WDR64: variants seen among roughly 807,000 people sequenced by gnomAD.
WDR64 encodes WD repeat-containing protein 64.
Under a neutral mutation model 139.3 loss-of-function variants are expected in WDR64, and 112 were observed. The observed-to-expected ratio is 0.80, with a 90% CI of 0.69 to 0.94. The LOEUF is 0.94. WDR64 is among the 40% of genes least tolerant of loss of function. The pLI, the probability that WDR64 is intolerant of heterozygous loss-of-function variation, is 0.00. For missense variants in WDR64, 1,206 were observed against 1,293.1 expected (o/e 0.93, Z 1.03); for synonymous variants, 444 against 437.7 (o/e 1.01, Z -0.18).
At chr1:241,662,176 G>A (rs1211660349) in intron 2 of WDR64, among the ~76,000 whole-genome samples, 1 of 152,174 alleles carries the variant, frequency 6.6e-6, no homozygotes, top group Non-Finnish European at 1.5e-5. Flanking sequence ...TACTGCTACT[G>A]TACTAAATTA....
intron 23 of WDR64, among the ~76,000 whole-genome samples, chr1:241,787,198 C>T (rs1045664646): frequency 2.3e-5 from 3 of 128,216 alleles, no homozygotes; most frequent in African/African-American, 9.3e-5. Flanking sequence ...ACTAAAAATA[C>T]AAAAAAAAAA....
At chr1:241,771,925 T>C (rs1277376111) in intron 19 of WDR64, among the ~76,000 whole-genome samples, 1 of 53,860 alleles carries the variant, frequency 1.9e-5, no homozygotes, top group Non-Finnish European at 4.1e-5. Context: ...CATATATACA[T>C]ACATATACAT....
intron 9 of WDR64, among the ~76,000 whole-genome samples, chr1:241,722,263 T>C (rs1421070391): frequency 6.6e-6 from 1 of 152,174 alleles, no homozygotes; most frequent in Non-Finnish European, 1.5e-5. Context: ...TTTTAAATCA[T>C]GACAATATTC....
At chr1:241,760,005 G>A (rs955917319) in intron 15 of WDR64, among the ~76,000 whole-genome samples, 5 of 152,128 alleles carry the variant, frequency 3.3e-5, no homozygotes, top group South Asian at 4.1e-4. Context: ...TTCACTTAGC[G>A]TGATGTCCTG....
chr1:241,676,911 G>C (rs899317134), intron 4 of WDR64, among the ~76,000 whole-genome samples: 1 of 151,994 alleles, frequency 6.6e-6, no homozygotes, highest in African/African-American at 2.4e-5. Flanking sequence ...ATTTAATACA[G>C]CAGGAATAAT....
In WDR64 at chr1:241,766,089, T is replaced by C. The variant is rs1360105721; in HGVS notation, c.1948-129T>C. The C allele has an allele frequency of 3.6e-6, 3 of 845,064 alleles. No homozygotes were observed. In the African/African-American group the frequency reaches 5.2e-5, roughly 15 times the overall value. The allele number at this position is 845,064 out of a possible 1,614,324, so 52.3% of individuals were successfully genotyped here. On this transcript the variant is annotated intron_variant, in intron 15 of 27. Coordinates refer to ENST00000437684, the MANE Select transcript of WDR64 (RefSeq NM_001367482.1). ...TAAGATTTTACTAAATTTCATGCTC[T>C]GATATTAAAAATATATATAATAAGG...
chr1:241,673,812 T>G (rs145194385), intron 3 of WDR64, among the ~76,000 whole-genome samples: 1 of 152,310 alleles, frequency 6.6e-6, no homozygotes, highest in Non-Finnish European at 1.5e-5. Context: ...AACATAAAAG[T>G]GTCTAGCTAG....
At position 241,802,545 on chromosome 1, in the gene WDR64, G is replaced by A. The variant is rs1055658713; in HGVS notation, c.*1330G>A. On this transcript the variant is annotated 3_prime_UTR_variant, in exon 28 of 28. Transcript: ENST00000437684. ...GATATTTCTGCATTTCGTTGTATGTGAATTTTTTCAAAAAATTAAGAATTG... is the reference window on the plus strand; with the variant it reads ...GATATTTCTGCATTTCGTTGTATGTAAATTTTTTCAAAAAATTAAGAATTG... 6.6e-6 allele frequency among the ~76,000 whole-genome samples: 1 copy of A among 152,140 alleles called. No homozygotes were observed. The highest frequency in any genetic ancestry group is 2.4e-5 in the African/African-American group (1 of 41,436).
At chr1:241,784,954 A>AAAAAAAAAAAG (rs1658984108) in intron 23 of WDR64, among the ~76,000 whole-genome samples, 1 of 9,386 alleles carries the variant, frequency 1.1e-4, no homozygotes, top group Admixed American at 6.6e-4. Flanking sequence ...ACTCTGTCTG[A>AAAAAAAAAAAG]AAAAAAAAAA....
At chr1:241,780,293 G>A (rs1042383966) in intron 22 of WDR64, among the ~76,000 whole-genome samples, 2 of 152,110 alleles carry the variant, frequency 1.3e-5, no homozygotes, top group Admixed American at 6.5e-5. Flanking sequence ...ACTTTGCATC[G>A]TCTTCATGTT....
chr1:241,662,734 T>C (rs1573986200), intron 2 of WDR64, among the ~76,000 whole-genome samples: 2 of 152,148 alleles, frequency 1.3e-5, no homozygotes, highest in Non-Finnish European at 2.9e-5. Flanking sequence ...AGGTCCACCA[T>C]AGAGACTTAC....
chr1:241,741,324 G>A (rs933752304), intron 11 of WDR64, among the ~76,000 whole-genome samples, 192 bp from the exon 12 acceptor site: 5 of 152,204 alleles, frequency 3.3e-5, no homozygotes, highest in Admixed American at 6.5e-5. Flanking sequence ...TGGCTGAATC[G>A]TATGTGCTTT....
rs565407713 is a variant in WDR64, at chr1:241,777,944, G to A, written c.2537-2060G>A. ...TGTGGCCCAGAACATGATCTATCTT[G>A]GGGAATGTCTACATGATCTTCAGAG... On this transcript the variant is annotated intron_variant, in intron 21 of 27. Transcript: ENST00000437684. 3.3e-5 allele frequency among the ~76,000 whole-genome samples: 5 copies of A among 152,150 alleles called. No homozygotes were observed. The South Asian group carries it at 8.3e-4, about 25-fold the overall frequency.
chr1:241,690,465 T>C (rs1283832307), intron 8 of WDR64, among the ~76,000 whole-genome samples: 1 of 151,208 alleles, frequency 6.6e-6, no homozygotes, highest in Non-Finnish European at 1.5e-5. Context: ...AGGGAGACTC[T>C]GTCAAAAAAA....
At chr1:241,697,177 C>G (rs1436108929) in intron 8 of WDR64, among the ~76,000 whole-genome samples, 1 of 152,166 alleles carries the variant, frequency 6.6e-6, no homozygotes, top group Non-Finnish European at 1.5e-5. Flanking sequence ...TGCCTTTGCT[C>G]TACTTCCTGT....
intron 26 of WDR64, among the ~76,000 whole-genome samples, 185 bp from the exon 27 acceptor site, chr1:241,796,072 G>T (rs1001014222): frequency 6.6e-6 from 1 of 152,016 alleles, no homozygotes; most frequent in Non-Finnish European, 1.5e-5. Flanking sequence ...ACATAATGGG[G>T]CCCTGTCTCT....
chr1:241,679,659 G>A, intron 6 of WDR64, 64 bp downstream of exon 6: 1 of 1,330,920 alleles, frequency 7.5e-7, no homozygotes. Flanking sequence ...TACGATATGA[G>A]CAATCCACTT....
chr1:241,794,504 G>GT (rs11419039), intron 25 of WDR64, among the ~76,000 whole-genome samples: 27,117 of 80,486 alleles, frequency 0.34, 4,586 homozygotes, highest in African/African-American at 0.4. Context: ...AAGCTTTACT[G>GT]TTTTTTTTTT....
rs1207684848 is a variant in WDR64 at position 241,671,185 on chromosome 1, T to G, written c.379+9T>G. 2.6e-6 allele frequency: 4 copies of G among 1,512,706 alleles called. No homozygotes were observed. In the African/African-American group the frequency reaches 5.6e-5, roughly 21 times the overall value. 93.7% of individuals were successfully genotyped at this position (1,512,706 alleles called of 1,614,324 possible). ...GCGAATTTTAATTTCAGGTGACATT[T>G]TAATTTTCTCTTCCAAATTAGTATG... On this transcript the variant is annotated intron_variant, in intron 3 of 27. Coordinates refer to ENST00000437684, the MANE Select transcript of WDR64 (RefSeq NM_001367482.1).
Sources: gnomAD v4.1 joint callset for allele counts (sites outside exome capture counted in the v4.1 genomes callset) on GRCh38, gnomAD v4.1.1 for gene constraint, MANE v1.5 for transcripts, NCBI Gene and HGNC (gene_info 2026-07-23, HGNC 2026-07-21) for gene names.